TRPM3: variants seen among roughly 807,000 people sequenced by gnomAD.
TRPM3 encodes the protein long transient receptor potential channel 3.
In TRPM3, 77 loss-of-function variants were observed where a neutral mutation model predicts 181.2. The ratio of observed to expected loss-of-function variants is 0.42; its 90% CI spans 0.35 to 0.51. TRPM3 has a LOEUF of 0.51. Ranked by LOEUF, TRPM3 falls within the 20% of genes least tolerant of loss-of-function variation. TRPM3 has a pLI of 0.01. For missense variants in TRPM3, 1,759 were observed against 2,196.7 expected (o/e 0.80, Z 3.98); for synonymous variants, 745 against 796.4 (o/e 0.94, Z 1.09).
chr9:71,137,198 G>T (rs2074820106), intron 1 of TRPM3, among the ~76,000 whole-genome samples: 1 of 151,878 alleles, frequency 6.6e-6, no homozygotes, highest in Non-Finnish European at 1.5e-5. Flanking sequence ...CTAATAAAAA[G>T]GTATTAAAAT....
chr9:71,320,254 T>C (rs1242320717), intron 1 of TRPM3, among the ~76,000 whole-genome samples: 1 of 151,788 alleles, frequency 6.6e-6, no homozygotes, highest in Non-Finnish European at 1.5e-5. Context: ...CAATACAGAG[T>C]GAAGCCAATT....
chr9:71,417,267 T>C (rs1039035581), intron 1 of TRPM3, among the ~76,000 whole-genome samples: 4 of 151,970 alleles, frequency 2.6e-5, no homozygotes, highest in Non-Finnish European at 4.4e-5. Context: ...TAATAACACA[T>C]GTGAGTTTCA....
At chr9:70,839,662 G>A (rs931452450) in intron 5 of TRPM3, among the ~76,000 whole-genome samples, 3 of 151,994 alleles carry the variant, frequency 2.0e-5, no homozygotes, top group African/African-American at 7.2e-5. Context: ...TTTATCCTTG[G>A]ATTTATTTCC....
intron 1 of TRPM3, among the ~76,000 whole-genome samples, chr9:71,268,279 C>T (rs986665983): frequency 2.9e-4 from 44 of 152,010 alleles, no homozygotes; most frequent in African/African-American, 9.7e-4. Flanking sequence ...ACTCGGGAGG[C>T]TGAGGCAGGA....
intron 1 of TRPM3, among the ~76,000 whole-genome samples, chr9:71,365,645 T>G (rs76594290): frequency 0.05 from 7,653 of 152,208 alleles, 593 homozygotes; most frequent in African/African-American, 0.17. Flanking sequence ...TATATTGGGG[T>G]TGTAGAAAGT....
intron 1 of TRPM3, among the ~76,000 whole-genome samples, chr9:70,977,862 G>A (rs931035906): frequency 9.9e-5 from 15 of 152,188 alleles, no homozygotes; most frequent in Admixed American, 3.3e-4. Flanking sequence ...ATGCACTTTC[G>A]AGGTGTGCCA....
intron 1 of TRPM3, among the ~76,000 whole-genome samples, chr9:71,189,331 G>A (rs139462358): frequency 6.6e-6 from 1 of 151,890 alleles, no homozygotes; most frequent in East Asian, 1.9e-4. Flanking sequence ...TGAGTGGTGG[G>A]CTTGTCCTTG....
chr9:70,655,070 G>A (rs929761872), intron 9 of TRPM3, among the ~76,000 whole-genome samples: 1 of 150,842 alleles, frequency 6.6e-6, no homozygotes, highest in Non-Finnish European at 1.5e-5. Context: ...CACTTTGGGA[G>A]CCCAGGTTGG....
At chr9:70,989,318 CT>C (rs2097453585) in intron 1 of TRPM3, among the ~76,000 whole-genome samples, 1 of 152,130 alleles carries the variant, frequency 6.6e-6, no homozygotes, top group Non-Finnish European at 1.5e-5. Flanking sequence ...AGCATATCCA[CT>C]ATTTTGACAT....
At chr9:70,576,661 C>A (rs1239175496) in intron 22 of TRPM3, among the ~76,000 whole-genome samples, 1 of 152,066 alleles carries the variant, frequency 6.6e-6, no homozygotes, top group East Asian at 1.9e-4. Context: ...ATTATAGGCA[C>A]CCGCCACCGT....
intron 4 of TRPM3, among the ~76,000 whole-genome samples, chr9:70,843,887 G>A (rs145316376): frequency 1.3e-5 from 2 of 152,090 alleles, no homozygotes; most frequent in African/African-American, 2.4e-5. Context: ...TATCCTCTAC[G>A]AAAAGATGTT....
chr9:71,204,986 TCTCA>T, intron 1 of TRPM3, among the ~76,000 whole-genome samples: 1 of 152,058 alleles, frequency 6.6e-6, no homozygotes, highest in Non-Finnish European at 1.5e-5. Context: ...CACGGCATGT[TCTCA>T]CTCATAGATG....
chr9:71,234,718 T>G (rs1439035995), intron 1 of TRPM3, among the ~76,000 whole-genome samples: 1 of 152,190 alleles, frequency 6.6e-6, no homozygotes, highest in Non-Finnish European at 1.5e-5. Context: ...TAACTCCTAC[T>G]ACAGTCACAT....
chr9:70,580,257 A>T (rs1428878725), intron 22 of TRPM3, among the ~76,000 whole-genome samples: 1 of 152,168 alleles, frequency 6.6e-6, no homozygotes, highest in Non-Finnish European at 1.5e-5. Flanking sequence ...AACTGAAGCT[A>T]TACTTAAAAA....
chr9:70,857,803 C>T (rs1403346000), intron 3 of TRPM3, among the ~76,000 whole-genome samples: 1 of 152,132 alleles, frequency 6.6e-6, no homozygotes, highest in Non-Finnish European at 1.5e-5. Flanking sequence ...ACTCTGGATG[C>T]CCACGGTCTA....
intron 1 of TRPM3, among the ~76,000 whole-genome samples, chr9:70,921,188 T>C (rs1366524560): frequency 6.6e-6 from 1 of 152,204 alleles, no homozygotes; most frequent in African/African-American, 2.4e-5. Flanking sequence ...TTCTGTTCTC[T>C]CCCTTCCAGT....
chr9:70,952,336 G>C (rs936168364), intron 1 of TRPM3, among the ~76,000 whole-genome samples: 2 of 152,088 alleles, frequency 1.3e-5, no homozygotes, highest in African/African-American at 4.8e-5. Flanking sequence ...GTTCTTAATA[G>C]GGACTTTGGT....
At chr9:71,380,292 G>A (rs189322111) in intron 1 of TRPM3, among the ~76,000 whole-genome samples, 2 of 152,024 alleles carry the variant, frequency 1.3e-5, no homozygotes, top group African/African-American at 4.8e-5. Context: ...GGCACAAAAT[G>A]AAGAGAAAAC....
intron 20 of TRPM3, among the ~76,000 whole-genome samples, chr9:70,602,106 C>CGTTTTTT (rs778037711): frequency 0.017 from 2,167 of 128,136 alleles, 30 homozygotes; most frequent in Non-Finnish European, 0.027. Flanking sequence ...CAAGGCATTC[C>CGTTTTTT]TTTTTTTTTT....
Sources: allele counts gnomAD v4.1 joint callset (sites outside exome capture counted in the v4.1 genomes callset), GRCh38; gene constraint gnomAD v4.1.1; transcripts MANE v1.5; gene names NCBI Gene and HGNC (gene_info 2026-07-23, HGNC 2026-07-21).